The following BMPER variants were observed in gnomAD, a reference collection of about 807,000 sequenced individuals.
The protein encoded by BMPER is BMP-binding endothelial regulator protein.
In BMPER, 45 loss-of-function variants were observed where a neutral mutation model predicts 87.3. The ratio of observed to expected loss-of-function variants is 0.52; its 90% CI spans 0.41 to 0.66. BMPER has a LOEUF of 0.66. BMPER is among the 30% of genes least tolerant of loss of function. The pLI is 0.00. For missense variants in BMPER, 784 were observed against 867.5 expected (o/e 0.90, Z 1.21); for synonymous variants, 326 against 316.2 (o/e 1.03, Z -0.33).
At chr7:33,972,838 G>A (rs1459540390) in intron 5 of BMPER, among the ~76,000 whole-genome samples, 1 of 152,172 alleles carries the variant, frequency 6.6e-6, no homozygotes, top group Non-Finnish European at 1.5e-5. Context: ...TAATTCCAAA[G>A]GCCAACCTTT....
chr7:34,044,909 A>G (rs924691108), intron 6 of BMPER, among the ~76,000 whole-genome samples: 1 of 152,204 alleles, frequency 6.6e-6, no homozygotes, highest in Non-Finnish European at 1.5e-5. Flanking sequence ...ACAGGCGGCC[A>G]CAGTGTGCTG....
intron 13 of BMPER, among the ~76,000 whole-genome samples, chr7:34,128,448 A>G (rs1790459255): frequency 6.6e-6 from 1 of 152,178 alleles, no homozygotes; most frequent in South Asian, 2.1e-4. Flanking sequence ...GCTCAGACAA[A>G]TGGCACAGTT....
intron 13 of BMPER, among the ~76,000 whole-genome samples, chr7:34,127,099 C>T (rs1408591563): frequency 1.3e-5 from 2 of 152,206 alleles, no homozygotes; most frequent in Non-Finnish European, 2.9e-5. Flanking sequence ...AGCATGAACT[C>T]ATTGGTTGCT....
At chr7:34,059,114 C>T (rs184036461) in intron 10 of BMPER, among the ~76,000 whole-genome samples, 8 of 151,880 alleles carry the variant, frequency 5.3e-5, no homozygotes. Context: ...AAAGAAGATA[C>T]AATAAGTAGA....
intron 6 of BMPER, among the ~76,000 whole-genome samples, chr7:34,001,723 G>A (rs905948397): frequency 3.3e-5 from 5 of 151,366 alleles, no homozygotes; most frequent in African/African-American, 7.3e-5. Flanking sequence ...GTGACTTTAA[G>A]GTTTAGTTAC....
At chr7:34,134,786 A>C (rs1790680008) in intron 13 of BMPER, among the ~76,000 whole-genome samples, 2 of 152,160 alleles carry the variant, frequency 1.3e-5, no homozygotes, top group Admixed American at 1.3e-4. Context: ...AAGGGAGAAA[A>C]TATTTTAGAT....
At chr7:33,962,640 TG>T (rs1267753736) in intron 3 of BMPER, among the ~76,000 whole-genome samples, 1 of 152,168 alleles carries the variant, frequency 6.6e-6, no homozygotes, top group Admixed American at 6.5e-5. Flanking sequence ...CACCCTCACT[TG>T]AGAACTGCTG....
chr7:33,961,241 G>A (rs1227249949), intron 3 of BMPER, among the ~76,000 whole-genome samples: 2 of 152,176 alleles, frequency 1.3e-5, no homozygotes, highest in Admixed American at 6.5e-5. Context: ...GGCCAGGCCC[G>A]GGATATCTTT....
At position 34,067,518 on chromosome 7, in the gene BMPER, A is replaced by G. The variant is rs186346041; in HGVS notation, c.1078+5471A>G. Among the ~76,000 whole-genome samples the G allele has an allele frequency of 4.6e-5, 7 of 152,214 alleles. No homozygotes were observed. The East Asian group carries it at 5.8e-4, about 13-fold the overall frequency. Reference sequence around the variant, plus strand: ...TTTCTGGCCTCCAGGGCTGTAAGCAACTCCAGGTCCCTTAACACCGAGAGT... The same window carrying G: ...TTTCTGGCCTCCAGGGCTGTAAGCAGCTCCAGGTCCCTTAACACCGAGAGT... On this transcript the variant is annotated intron_variant, in intron 11 of 14. Transcript: ENST00000649409.
At chr7:33,990,320 A>T (rs1026798164) in intron 6 of BMPER, among the ~76,000 whole-genome samples, 3 of 136,912 alleles carry the variant, frequency 2.2e-5, no homozygotes, top group African/African-American at 8.4e-5. Context: ...CTCCTTGAAG[A>T]GGTCCTTCAC....
At chr7:33,991,557 C>CA in intron 6 of BMPER, among the ~76,000 whole-genome samples, 1 of 152,130 alleles carries the variant, frequency 6.6e-6, no homozygotes, top group Non-Finnish European at 1.5e-5. Context: ...TTGATCCTTT[C>CA]AAAAAACCAG....
At chr7:33,956,015 G>GACAA (rs894426340) in intron 3 of BMPER, among the ~76,000 whole-genome samples, 2 of 149,926 alleles carry the variant, frequency 1.3e-5, no homozygotes, top group East Asian at 2.0e-4. Flanking sequence ...TTCATAGACA[G>GACAA]ACAAACAAAC....
At chr7:34,151,970 A>C (rs543671326) in intron 14 of BMPER, among the ~76,000 whole-genome samples, 21 of 152,314 alleles carry the variant, frequency 1.4e-4, no homozygotes, top group African/African-American at 4.6e-4. Flanking sequence ...AATTTATTTT[A>C]TGGTGCTTAT....
intron 6 of BMPER, among the ~76,000 whole-genome samples, chr7:34,034,455 C>G (rs1018331659): frequency 6.6e-6 from 1 of 152,090 alleles, no homozygotes; most frequent in South Asian, 2.1e-4. Flanking sequence ...TGCTGTTGTG[C>G]CCTCTGTTTG....
chr7:34,142,364 G>A (rs1197838266), intron 13 of BMPER, among the ~76,000 whole-genome samples: 1 of 152,132 alleles, frequency 6.6e-6, no homozygotes, highest in Non-Finnish European at 1.5e-5. Flanking sequence ...ACAAGAAACT[G>A]TATTATGCCT....
At chr7:33,938,536 G>A (rs1784667201) in intron 3 of BMPER, among the ~76,000 whole-genome samples, 1 of 152,174 alleles carries the variant, frequency 6.6e-6, no homozygotes, top group Non-Finnish European at 1.5e-5. Flanking sequence ...ATCTAGGAAA[G>A]GCAAGGGGTG....
At chr7:33,988,436 G>C (rs1397979428) in intron 6 of BMPER, among the ~76,000 whole-genome samples, 3 of 152,004 alleles carry the variant, frequency 2.0e-5, no homozygotes, top group Non-Finnish European at 4.4e-5. Flanking sequence ...CATATGCCCA[G>C]AAAAACATCA....
intron 2 of BMPER, among the ~76,000 whole-genome samples, chr7:33,921,103 C>A (rs577849945): frequency 3.3e-5 from 5 of 152,116 alleles, no homozygotes; most frequent in African/African-American, 1.2e-4. Context: ...TATTATAACC[C>A]TTACTCCTCT....
rs144989564 is a variant in BMPER at position 34,053,965 on chromosome 7, C to G, written c.787-1198C>G. Among the ~76,000 whole-genome samples, 840 of 152,298 alleles carry G rather than the reference C, an allele frequency of 5.5e-3. 4 individuals carry two copies. The highest frequency in any genetic ancestry group is 0.019 in the African/African-American group (788 of 41,564). On this transcript the variant is annotated intron_variant, in intron 8 of 14. Transcript: ENST00000649409. ...TATCTACCAGCAATGTTATTACCAT[C>G]TTTAAATTTGATTAGCAGATGCTTC...
Sources: gnomAD v4.1 joint callset for allele counts (sites outside exome capture counted in the v4.1 genomes callset) on GRCh38, gnomAD v4.1.1 for gene constraint, MANE v1.5 for transcripts, NCBI Gene and HGNC (gene_info 2026-07-23, HGNC 2026-07-21) for gene names.